The following TRIP4 variants were observed in gnomAD, a reference collection of about 807,000 sequenced individuals.
TRIP4 encodes activating signal cointegrator 1.
Under a neutral mutation model 81.8 loss-of-function variants are expected in TRIP4, and 54 were observed. That is an observed-to-expected ratio of 0.66 (90% confidence interval 0.53 to 0.83). The LOEUF (loss-of-function observed/expected upper bound fraction) is 0.83, where lower values mean the gene tolerates loss of function less well. Ranked by LOEUF, TRIP4 falls within the 40% of genes least tolerant of loss-of-function variation. The pLI, the probability that TRIP4 is intolerant of heterozygous loss-of-function variation, is 0.00. For missense variants in TRIP4, 662 were observed against 683.6 expected (o/e 0.97, Z 0.35); for synonymous variants, 270 against 242.8 (o/e 1.11, Z -1.04).
intron 2 of TRIP4, 38 bp from the exon 3 acceptor site, chr15:64,395,360 C>CTG (rs548731841): frequency 6.6e-6 from 10 of 1,522,010 alleles, no homozygotes; most frequent in Middle Eastern, 1.8e-4. Flanking sequence ...TCTTATCAAT[C>CTG]TGTGTGTGTG....
At chr15:64,452,276 C>T (rs983116750) in intron 12 of TRIP4, among the ~76,000 whole-genome samples, 10 of 152,176 alleles carry the variant, frequency 6.6e-5, no homozygotes, top group Admixed American at 2.6e-4. Context: ...GCCACCATGC[C>T]CTGCCACAAA....
intron 11 of TRIP4, among the ~76,000 whole-genome samples, chr15:64,443,428 G>C (rs1351936870): frequency 6.6e-6 from 1 of 152,174 alleles, no homozygotes; most frequent in Admixed American, 6.6e-5. Context: ...GGAAAAACAG[G>C]AAAATTAAAG....
At chr15:64,391,249 C>T (rs1358494817) in intron 1 of TRIP4, among the ~76,000 whole-genome samples, 2 of 151,804 alleles carry the variant, frequency 1.3e-5, no homozygotes, top group South Asian at 2.1e-4. Flanking sequence ...CTCCACCTCC[C>T]AGGTTCAAGC....
intron 9 of TRIP4, among the ~76,000 whole-genome samples, chr15:64,419,936 C>T (rs145637125): frequency 0.023 from 3,563 of 151,942 alleles, 57 homozygotes; most frequent in Admixed American, 0.035. Context: ...CAGCCTCAGC[C>T]TCCCGAGTAG....
intron 5 of TRIP4, among the ~76,000 whole-genome samples, chr15:64,404,812 A>G (rs1314869210): frequency 2.6e-5 from 4 of 152,002 alleles, no homozygotes; most frequent in African/African-American, 9.7e-5. Context: ...CAGCCTCCCA[A>G]GTAGCTGGAT....
At chr15:64,399,717 A>C (rs141327614) in intron 4 of TRIP4, among the ~76,000 whole-genome samples, 1,701 of 151,860 alleles carry the variant, frequency 0.011, 15 homozygotes, top group Non-Finnish European at 0.017. Flanking sequence ...GACCACGCTC[A>C]ATTGAACTCC....
At chr15:64,429,672 T>C (rs1000015332) in intron 11 of TRIP4, among the ~76,000 whole-genome samples, 2 of 152,232 alleles carry the variant, frequency 1.3e-5, no homozygotes, top group Admixed American at 1.3e-4. Flanking sequence ...GGTATCATGG[T>C]ATTTACAGTT....
chr15:64,406,231 C>T (rs949501766), intron 5 of TRIP4, 99 bp from the exon 6 acceptor site: 7 of 1,478,360 alleles, frequency 4.7e-6, no homozygotes, highest in Non-Finnish European at 6.5e-6. Context: ...GCCATCAGGC[C>T]AGAACCAGAT....
At chr15:64,403,179 C>T (rs938675348) in intron 5 of TRIP4, among the ~76,000 whole-genome samples, 13 of 135,348 alleles carry the variant, frequency 9.6e-5, no homozygotes, top group African/African-American at 2.0e-4. Context: ...TTTTTTTAGA[C>T]GGAGTCTCGC....
chr15:64,451,369 TC>T (rs144461546), intron 12 of TRIP4, among the ~76,000 whole-genome samples: 7,309 of 151,630 alleles, frequency 0.048, 230 homozygotes, highest in South Asian at 0.086. Context: ...TGCCTTGGCC[TC>T]CGAAAGTGCT....
chr15:64,389,559 T>C lies in TRIP4; in HGVS notation c.101+1595T>C, dbSNP rs370042676. On this transcript the variant is annotated intron_variant, in intron 1 of 12. Transcript: ENST00000261884. ...AAACAGCGAAATCTTATGGTTTGGC[T>C]TTACCCTTGCTTGAACGCAGTCAGA... is the stretch of plus-strand genomic sequence containing the variant. 1.5e-4 allele frequency among the ~76,000 whole-genome samples: 23 copies of C among 152,290 alleles called. No individual in the cohort carries two copies. In the South Asian group the frequency reaches 3.7e-3, roughly 25 times the overall value.
chr15:64,390,968 A>G (rs1175333900), intron 1 of TRIP4, among the ~76,000 whole-genome samples: 1 of 152,054 alleles, frequency 6.6e-6, no homozygotes, highest in Non-Finnish European at 1.5e-5. Context: ...CTAAGATACT[A>G]TTTGAAGCAT....
chr15:64,394,904 G>A (rs1174297863), intron 2 of TRIP4, among the ~76,000 whole-genome samples: 1 of 152,162 alleles, frequency 6.6e-6, no homozygotes, highest in Non-Finnish European at 1.5e-5. Flanking sequence ...GAGTGATGTG[G>A]CTTGATCCTA....
At chr15:64,425,275 G>T (rs1566979881) in intron 10 of TRIP4, among the ~76,000 whole-genome samples, 1 of 152,010 alleles carries the variant, frequency 6.6e-6, no homozygotes, top group Non-Finnish European at 1.5e-5. Context: ...GGATGAATTT[G>T]TGGGGTCCTT....
At chr15:64,394,569 C>T (rs1705952224) in intron 2 of TRIP4, among the ~76,000 whole-genome samples, 1 of 144,130 alleles carries the variant, frequency 6.9e-6, no homozygotes, top group South Asian at 2.2e-4. Context: ...AGCACCACTG[C>T]ACTCCAGCCT....
Position 64,414,228 on chromosome 15 carries a change from TCTAA to T in TRIP4, c.1170+20_1170+23del. On this transcript the variant is annotated intron_variant, in intron 8 of 12. Transcript: ENST00000261884. ...CCTCCCCAGGTTAGTGGACCTTTGC[TCTAA>T]CTGTTAATAAGAAGTTTGGCCCCAA... 1.9e-6 allele frequency: 3 copies of T among 1,612,568 alleles called. No homozygotes were observed. The highest frequency in any genetic ancestry group is 2.5e-6 in the Non-Finnish European group (3 of 1,179,524).
intron 1 of TRIP4, among the ~76,000 whole-genome samples, chr15:64,388,585 A>G (rs1900023309): frequency 6.6e-6 from 1 of 152,206 alleles, no homozygotes; most frequent in South Asian, 2.1e-4. Flanking sequence ...CTGGGATTAC[A>G]GGCATGAGCC....
chr15:64,399,991 G>GA, intron 4 of TRIP4, among the ~76,000 whole-genome samples: 1 of 149,384 alleles, frequency 6.7e-6, no homozygotes, highest in African/African-American at 2.4e-5. Flanking sequence ...AAAAAAGAAA[G>GA]AAAAAAAGAA....
At chr15:64,434,182 C>T (rs1892339146) in intron 11 of TRIP4, among the ~76,000 whole-genome samples, 1 of 151,926 alleles carries the variant, frequency 6.6e-6, no homozygotes, top group Non-Finnish European at 1.5e-5. Flanking sequence ...GGTGGATCAC[C>T]TGAGGTTAGG....
Sources: allele counts gnomAD v4.1 joint callset (sites outside exome capture counted in the v4.1 genomes callset), GRCh38; gene constraint gnomAD v4.1.1; transcripts MANE v1.5; gene names NCBI Gene and HGNC (gene_info 2026-07-23, HGNC 2026-07-21).